Variants in CLCN3 observed in about 807,000 individuals in gnomAD.
CLCN3 encodes the protein Cl-/H+ antiporter 3, also known as H(+)/Cl(-) exchange transporter 3.
CLCN3 carries 16 observed loss-of-function variants against 83.4 expected under a neutral mutation model. That is an observed-to-expected ratio of 0.19 (90% CI 0.13 to 0.29). The LOEUF is 0.29. Ranked by LOEUF, CLCN3 falls within the 10% of genes least tolerant of loss-of-function variation. The pLI is 1.00. For missense variants in CLCN3, 544 were observed against 1,006.0 expected, an observed-to-expected ratio of 0.54 and a Z score of 6.21; for synonymous variants, 322 against 346.2, an observed-to-expected ratio of 0.93 and a Z score of 0.78.
intron 2 of CLCN3, among the ~76,000 whole-genome samples, chr4:169,649,702 G>T (rs79636859): frequency 0.025 from 3,841 of 152,252 alleles, 168 homozygotes; most frequent in African/African-American, 0.087. Flanking sequence ...ATTTTTAATG[G>T]TTGCATAATA....
chr4:169,663,315 TTGTTGTTG>T (rs1200389238), intron 2 of CLCN3, among the ~76,000 whole-genome samples: 5 of 17,548 alleles, frequency 2.8e-4, no homozygotes, highest in African/African-American at 2.5e-4. Context: ...GTGGGTTTTT[TTGTTGTTG>T]TTGTTGTTGT....
intron 2 of CLCN3, among the ~76,000 whole-genome samples, chr4:169,659,860 C>A (rs997665876): frequency 6.6e-6 from 1 of 152,094 alleles, no homozygotes; most frequent in African/African-American, 2.4e-5. Context: ...CACAAACTTA[C>A]TAGAGTGCTG....
At chr4:169,631,330 A>C (rs1225439205) in intron 1 of CLCN3, among the ~76,000 whole-genome samples, 3 of 152,154 alleles carry the variant, frequency 2.0e-5, no homozygotes, top group African/African-American at 4.8e-5. Context: ...GTTGTCGCCC[A>C]GGCTGGAGTG....
intron 2 of CLCN3, among the ~76,000 whole-genome samples, chr4:169,641,927 C>A (rs1730424479): frequency 6.6e-6 from 1 of 152,092 alleles, no homozygotes; most frequent in South Asian, 2.1e-4. Context: ...TAATCTACTT[C>A]ATTCCAAAAA....
At chr4:169,643,545 T>A (rs575767917) in intron 2 of CLCN3, among the ~76,000 whole-genome samples, 20 of 152,122 alleles carry the variant, frequency 1.3e-4, no homozygotes, top group Admixed American at 7.2e-4. Flanking sequence ...ATAATTTTTT[T>A]AAAAAAATTC....
intron 5 of CLCN3, among the ~76,000 whole-genome samples, chr4:169,689,905 G>C (rs1412351067): frequency 6.6e-6 from 1 of 152,110 alleles, no homozygotes; most frequent in Non-Finnish European, 1.5e-5. Flanking sequence ...GATGCAATTT[G>C]TTTCCACTGT....
intron 2 of CLCN3, among the ~76,000 whole-genome samples, chr4:169,646,222 T>C (rs1730566684): frequency 6.6e-6 from 1 of 152,184 alleles, no homozygotes; most frequent in African/African-American, 2.4e-5. Flanking sequence ...CTTTGTAAAA[T>C]AGTCATCTAT....
At chr4:169,667,856 C>T (rs973572304) in intron 2 of CLCN3, among the ~76,000 whole-genome samples, 3 of 151,418 alleles carry the variant, frequency 2.0e-5, no homozygotes, top group African/African-American at 7.3e-5. Flanking sequence ...AGTGATTCTG[C>T]TGCCTCAGCT....
intron 6 of CLCN3, 112 bp from the exon 7 acceptor site, chr4:169,692,002 C>A: frequency 1.5e-6 from 1 of 672,532 alleles, no homozygotes; most frequent in Non-Finnish European, 2.5e-6. Context: ...TTTCTGTAGA[C>A]TGCTAAAATT....
intron 3 of CLCN3, among the ~76,000 whole-genome samples, chr4:169,683,156 A>G (rs1362413733): frequency 2.0e-5 from 3 of 152,202 alleles, no homozygotes; most frequent in African/African-American, 7.2e-5. Flanking sequence ...CCTAGAGAGT[A>G]TCCATGACAC....
intron 1 of CLCN3, among the ~76,000 whole-genome samples, chr4:169,624,448 T>A (rs1314344016): frequency 6.6e-6 from 1 of 152,130 alleles, no homozygotes; most frequent in Non-Finnish European, 1.5e-5. Context: ...TTTGTATTTT[T>A]AGTAGGGACA....
chr4:169,623,337 C>T (rs867813681), intron 1 of CLCN3, among the ~76,000 whole-genome samples: 9 of 152,220 alleles, frequency 5.9e-5, no homozygotes, highest in Middle Eastern at 3.4e-3. Context: ...CATTTATACC[C>T]GCTGCCCCTG....
chr4:169,659,514 G>A (rs1045618726), intron 2 of CLCN3, among the ~76,000 whole-genome samples: 3 of 152,040 alleles, frequency 2.0e-5, no homozygotes, highest in East Asian at 1.9e-4. Context: ...TCTTTTTTGC[G>A]TAGTTTAGAC....
At chr4:169,695,972 T>C (rs914385192) in intron 8 of CLCN3, among the ~76,000 whole-genome samples, 1 of 152,216 alleles carries the variant, frequency 6.6e-6, no homozygotes, top group Non-Finnish European at 1.5e-5. Context: ...GAATTTGACT[T>C]AATAGAGGAC....
chr4:169,638,607 C>G (rs1730308833), intron 2 of CLCN3, among the ~76,000 whole-genome samples: 1 of 151,946 alleles, frequency 6.6e-6, no homozygotes. Context: ...CTCTTTAGCC[C>G]TTTATGTGAG....
At chr4:169,646,042 A>G (rs1730561535) in intron 2 of CLCN3, among the ~76,000 whole-genome samples, 1 of 152,152 alleles carries the variant, frequency 6.6e-6, no homozygotes, top group Non-Finnish European at 1.5e-5. Flanking sequence ...TTTTGATTAC[A>G]TAGTTTAACT....
chr4:169,687,484 A>G (rs1732207015), intron 3 of CLCN3, among the ~76,000 whole-genome samples, 174 bp from the exon 4 acceptor site: 2 of 152,360 alleles, frequency 1.3e-5, no homozygotes, highest in African/African-American at 2.4e-5. Flanking sequence ...AGTCTGGTTT[A>G]CAGGTATTAA....
chr4:169,669,468 G>A (rs1207788251), intron 2 of CLCN3, among the ~76,000 whole-genome samples: 1 of 151,962 alleles, frequency 6.6e-6, no homozygotes, highest in Non-Finnish European at 1.5e-5. Flanking sequence ...CAGCCTAGGT[G>A]GCAGAGCAAG....
chr4:169,637,565 G>A (rs72694747), intron 2 of CLCN3, among the ~76,000 whole-genome samples: 11,428 of 142,998 alleles, frequency 0.08, 480 homozygotes, highest in African/African-American at 0.13. Flanking sequence ...GCAAAACCCC[G>A]TCTCAAAAAC....
Sources: gnomAD v4.1 joint callset for allele counts (sites outside exome capture counted in the v4.1 genomes callset) on GRCh38, gnomAD v4.1.1 for gene constraint, MANE v1.5 for transcripts, NCBI Gene and HGNC (gene_info 2026-07-23, HGNC 2026-07-21) for gene names.